The following CALN1 variants were observed in gnomAD, a reference collection of about 807,000 sequenced individuals.
CALN1 encodes the protein calcium-binding protein 8.
CALN1 carries 17 observed loss-of-function variants against 30.6 expected under a neutral mutation model. The observed-to-expected ratio is 0.56, with a 90% CI of 0.38 to 0.83. The LOEUF (loss-of-function observed/expected upper bound fraction) is 0.83. Ranked by LOEUF, CALN1 falls within the 40% of genes least tolerant of loss-of-function variation. CALN1 has a pLI of 0.00. For synonymous variants in CALN1, 156 were observed against 131.4 expected (o/e 1.19, Z -1.28); for missense variants, 291 against 354.9 (o/e 0.82, Z 1.45).
intron 5 of CALN1, among the ~76,000 whole-genome samples, chr7:71,936,399 CAA>C (rs745646988): frequency 0.02 from 1,479 of 74,668 alleles, 38 homozygotes; most frequent in African/African-American, 0.064. Flanking sequence ...GACTCAGTCT[CAA>C]AAAAAAAAAA....
At chr7:71,972,277 G>A (rs1044510066) in intron 5 of CALN1, among the ~76,000 whole-genome samples, 2 of 152,090 alleles carry the variant, frequency 1.3e-5, no homozygotes, top group African/African-American at 4.8e-5. Flanking sequence ...TTTCAATAGT[G>A]GGCGTTTGCA....
chr7:72,182,675 G>A (rs1249043270), intron 3 of CALN1, among the ~76,000 whole-genome samples: 1 of 151,276 alleles, frequency 6.6e-6, no homozygotes, highest in Non-Finnish European at 1.5e-5. Flanking sequence ...AGCCGAGATC[G>A]TGCCACTGCA....
At chr7:72,024,681 G>T (rs979980019) in intron 4 of CALN1, among the ~76,000 whole-genome samples, 1 of 152,156 alleles carries the variant, frequency 6.6e-6, no homozygotes, top group Non-Finnish European at 1.5e-5. Flanking sequence ...TTACAGGAGT[G>T]AGCCACCATG....
intron 1 of CALN1, among the ~76,000 whole-genome samples, chr7:72,432,260 C>T (rs1808002921): frequency 6.6e-6 from 1 of 152,150 alleles, no homozygotes; most frequent in Non-Finnish European, 1.5e-5. Context: ...TAAGACGTGC[C>T]TTTTTTCCTC....
chr7:72,108,624 C>T (rs993500580), intron 3 of CALN1, among the ~76,000 whole-genome samples: 3 of 152,222 alleles, frequency 2.0e-5, no homozygotes, highest in African/African-American at 7.2e-5. Flanking sequence ...TCTTACCATA[C>T]ACCCTGCCCT....
At chr7:72,025,599 G>C (rs1370675573) in intron 4 of CALN1, among the ~76,000 whole-genome samples, 4 of 152,144 alleles carry the variant, frequency 2.6e-5, no homozygotes, top group Non-Finnish European at 5.9e-5. Context: ...CAACAGACAA[G>C]AGCGAACCTT....
At chr7:71,947,934 C>CA (rs5884865) in intron 5 of CALN1, among the ~76,000 whole-genome samples, 26,596 of 137,698 alleles carry the variant, frequency 0.19, 2,718 homozygotes, top group Non-Finnish European at 0.23. Context: ...GACTCCGTCT[C>CA]AAAAAAAAAA....
chr7:72,345,451 CAA>C (rs758488164), intron 2 of CALN1, among the ~76,000 whole-genome samples: 1 of 125,418 alleles, frequency 8.0e-6, no homozygotes, highest in Non-Finnish European at 1.6e-5. Flanking sequence ...GAGAGAAAGA[CAA>C]AAAGACAAAA....
intron 2 of CALN1, among the ~76,000 whole-genome samples, chr7:72,291,291 G>A (rs1441815943): frequency 1.3e-5 from 2 of 152,068 alleles, no homozygotes; most frequent in Admixed American, 6.6e-5. Flanking sequence ...CATTTCTGAA[G>A]GCACTAATCC....
chr7:72,244,909 C>T (rs555497702), intron 3 of CALN1, among the ~76,000 whole-genome samples: 11 of 152,166 alleles, frequency 7.2e-5, no homozygotes, highest in East Asian at 5.8e-4. Context: ...AATACTAAGA[C>T]GGCCCTACCC....
intron 2 of CALN1, among the ~76,000 whole-genome samples, chr7:72,401,581 G>A (rs752252922): frequency 5.9e-5 from 9 of 152,186 alleles, no homozygotes; most frequent in South Asian, 4.1e-4. Flanking sequence ...CCCCAAAGGA[G>A]AAGCACATGC....
At chr7:72,324,395 G>A (rs946969378) in intron 2 of CALN1, among the ~76,000 whole-genome samples, 1 of 151,920 alleles carries the variant, frequency 6.6e-6, no homozygotes, top group Non-Finnish European at 1.5e-5. Flanking sequence ...CATCTCTGGA[G>A]TTATCATTTA....
chr7:72,035,679 C>T (rs1262061175), intron 4 of CALN1, among the ~76,000 whole-genome samples: 1 of 152,132 alleles, frequency 6.6e-6, no homozygotes, highest in South Asian at 2.1e-4. Flanking sequence ...GTTATACACT[C>T]TAATTTGGAT....
intron 2 of CALN1, among the ~76,000 whole-genome samples, chr7:72,287,847 T>A (rs530642298): frequency 2.4e-4 from 36 of 152,296 alleles, no homozygotes; most frequent in Non-Finnish European, 4.7e-4. Flanking sequence ...TCTCTTCATA[T>A]ATATTTGCAG....
intron 3 of CALN1, among the ~76,000 whole-genome samples, chr7:72,252,374 C>T (rs948793207): frequency 6.6e-6 from 1 of 152,108 alleles, no homozygotes. Flanking sequence ...CCAAGGCAGG[C>T]AGATCACTTG....
At chr7:71,860,800 C>T (rs1411079728) in intron 5 of CALN1, among the ~76,000 whole-genome samples, 1 of 152,122 alleles carries the variant, frequency 6.6e-6, no homozygotes, top group African/African-American at 2.4e-5. Flanking sequence ...TCAGAGTAAA[C>T]TTCCAGGGAG....
chr7:72,307,291 C>G (rs780021092), intron 2 of CALN1, among the ~76,000 whole-genome samples: 24 of 152,130 alleles, frequency 1.6e-4, no homozygotes, highest in Non-Finnish European at 3.5e-4. Flanking sequence ...TTGAAACTTA[C>G]ATGTTATTTT....
intron 4 of CALN1, among the ~76,000 whole-genome samples, chr7:72,043,990 G>A (rs1375472828): frequency 6.6e-6 from 1 of 152,096 alleles, no homozygotes; most frequent in African/African-American, 2.4e-5. Flanking sequence ...CAGATCTTGT[G>A]AGACTTCTTC....
intron 1 of CALN1, among the ~76,000 whole-genome samples, chr7:72,429,506 G>C (rs565200753): frequency 2.0e-5 from 3 of 151,966 alleles, no homozygotes; most frequent in African/African-American, 7.3e-5. Context: ...TCTTTTCAAC[G>C]GAGGACATGG....
Sources: allele counts gnomAD v4.1 joint callset (sites outside exome capture counted in the v4.1 genomes callset), GRCh38; gene constraint gnomAD v4.1.1; transcripts MANE v1.5; gene names NCBI Gene and HGNC (gene_info 2026-07-23, HGNC 2026-07-21).